The following MYO16 variants were observed in gnomAD, a reference collection of about 807,000 sequenced individuals.
MYO16 encodes unconventional myosin-XVI.
Under a neutral mutation model 205.3 loss-of-function variants are expected in MYO16, and 94 were observed. The observed-to-expected ratio is 0.46, with a 90% CI of 0.39 to 0.54. MYO16 has a LOEUF of 0.54. MYO16 is among the 20% of genes least tolerant of loss of function. The pLI is 0.00. For missense variants in MYO16, 2,315 were observed against 2,387.5 expected, an observed-to-expected ratio of 0.97 and a Z score of 0.63; for synonymous variants, 988 against 954.0, an observed-to-expected ratio of 1.04 and a Z score of -0.66.
chr13:109,129,523 A>G (rs1876428367), intron 31 of MYO16, among the ~76,000 whole-genome samples: 1 of 152,150 alleles, frequency 6.6e-6, no homozygotes. Context: ...TCCCTGAGAA[A>G]GCGGGGAGTG....
chr13:108,699,480 G>T (rs1476375162), intron 2 of MYO16, among the ~76,000 whole-genome samples: 5 of 151,990 alleles, frequency 3.3e-5, no homozygotes, highest in Non-Finnish European at 5.9e-5. Flanking sequence ...AACATAAATT[G>T]TCAGAGCATT....
intron 22 of MYO16, among the ~76,000 whole-genome samples, chr13:109,017,630 G>A (rs1376046721): frequency 6.6e-6 from 1 of 152,114 alleles, no homozygotes; most frequent in East Asian, 1.9e-4. Context: ...TTGTCACATA[G>A]TCCCATATTT....
At chr13:108,740,847 C>A (rs1047011741) in intron 4 of MYO16, among the ~76,000 whole-genome samples, 1 of 152,196 alleles carries the variant, frequency 6.6e-6, no homozygotes, top group Non-Finnish European at 1.5e-5. Context: ...GCACCCCTCC[C>A]CCAGCCTCAC....
the MYO16 span, among the ~76,000 whole-genome samples, chr13:108,546,987 T>A: frequency 6.6e-6 from 1 of 151,966 alleles, no homozygotes; most frequent in Admixed American, 6.6e-5. Context: ...AGAATAAAAC[T>A]CAGGGCCGGG....
At chr13:108,903,778 A>G (rs149043039) in intron 15 of MYO16, among the ~76,000 whole-genome samples, 96 of 152,334 alleles carry the variant, frequency 6.3e-4, no homozygotes, top group African/African-American at 2.0e-3. Context: ...CTTAACATAC[A>G]TTTTAAAGAG....
chr13:108,605,059 C>T (rs1878901606), intron 1 of MYO16, among the ~76,000 whole-genome samples: 1 of 152,116 alleles, frequency 6.6e-6, no homozygotes, highest in Non-Finnish European at 1.5e-5. Flanking sequence ...CAAACCATAT[C>T]GGTAGTGGCA....
chr13:108,753,038 A>G (rs765917962), intron 4 of MYO16, among the ~76,000 whole-genome samples: 2 of 151,972 alleles, frequency 1.3e-5, no homozygotes, highest in Non-Finnish European at 2.9e-5. Flanking sequence ...ACATTACACC[A>G]ATATTTCTAC....
chr13:109,097,656 A>G (rs1566504640), intron 27 of MYO16, among the ~76,000 whole-genome samples: 1 of 152,230 alleles, frequency 6.6e-6, no homozygotes, highest in Non-Finnish European at 1.5e-5. Flanking sequence ...ACTGAAGTCC[A>G]TTTAGTGTGA....
chr13:108,998,528 T>C (rs1222523459), intron 21 of MYO16, among the ~76,000 whole-genome samples: 1 of 152,204 alleles, frequency 6.6e-6, no homozygotes, highest in Non-Finnish European at 1.5e-5. Context: ...GTCCTACATA[T>C]TTTTTAGTGT....
At chr13:108,583,672 A>G in the MYO16 span, among the ~76,000 whole-genome samples, 1 of 152,190 alleles carries the variant, frequency 6.6e-6, no homozygotes, top group South Asian at 2.1e-4. Flanking sequence ...GGAATGACGA[A>G]TGATAATAAT....
chr13:108,949,962 C>A (rs1292829997), intron 16 of MYO16, among the ~76,000 whole-genome samples: 1 of 150,204 alleles, frequency 6.7e-6, no homozygotes, highest in South Asian at 2.1e-4. Flanking sequence ...AGGTGCTGGA[C>A]AACTGGGCAT....
chr13:108,835,387 G>T (rs2139051064), intron 9 of MYO16, among the ~76,000 whole-genome samples: 1 of 152,286 alleles, frequency 6.6e-6, no homozygotes, highest in Admixed American at 6.5e-5. Flanking sequence ...GGCCTCTTCA[G>T]CCATGTGGAA....
chr13:108,751,908 A>G (rs995818842), intron 4 of MYO16, among the ~76,000 whole-genome samples: 1 of 152,202 alleles, frequency 6.6e-6, no homozygotes, highest in Non-Finnish European at 1.5e-5. Context: ...ACCCAAGGAG[A>G]TAGGACTAAG....
chr13:108,681,923 T>C (rs894998297), intron 2 of MYO16, among the ~76,000 whole-genome samples: 1 of 152,204 alleles, frequency 6.6e-6, no homozygotes, highest in Non-Finnish European at 1.5e-5. Flanking sequence ...CCATAAACAA[T>C]GGTGCCCCAA....
At chr13:109,094,937 A>AT (rs113930003) in intron 27 of MYO16, among the ~76,000 whole-genome samples, 41,674 of 151,874 alleles carry the variant, frequency 0.27, 5,776 homozygotes, top group Middle Eastern at 0.32. Flanking sequence ...TTGCTTTTTA[A>AT]TTCTAGCTCT....
At chr13:108,968,936 G>A (rs1883905738) in intron 20 of MYO16, among the ~76,000 whole-genome samples, 1 of 152,162 alleles carries the variant, frequency 6.6e-6, no homozygotes, top group African/African-American at 2.4e-5. Context: ...GAAGCCAAGA[G>A]ACTTACAGCT....
upstream of MYO16, among the ~76,000 whole-genome samples, chr13:108,626,084 TC>T (rs1879723934): frequency 6.6e-6 from 1 of 152,214 alleles, no homozygotes; most frequent in Non-Finnish European, 1.5e-5. Context: ...CATTGCAGTT[TC>T]TTTTTTTGTT....
chr13:108,833,938 CATTTCCATTT>C (rs577843142), intron 9 of MYO16, among the ~76,000 whole-genome samples: 94 of 152,172 alleles, frequency 6.2e-4, no homozygotes, highest in African/African-American at 2.1e-3. Context: ...TATACTCTCT[CATTTCCATTT>C]TTTCTCACCA....
At chr13:108,800,508 A>C (rs1362654431) in intron 6 of MYO16, among the ~76,000 whole-genome samples, 1 of 152,182 alleles carries the variant, frequency 6.6e-6, no homozygotes, top group African/African-American at 2.4e-5. Flanking sequence ...GAGCAGTTTT[A>C]GGGCAACTAT....
Sources: gnomAD v4.1 joint callset for allele counts (sites outside exome capture counted in the v4.1 genomes callset) on GRCh38, gnomAD v4.1.1 for gene constraint, MANE v1.5 for transcripts, NCBI Gene and HGNC (gene_info 2026-07-23, HGNC 2026-07-21) for gene names.